The following MAGI3 variants were observed in gnomAD, a reference collection of about 807,000 sequenced individuals.
MAGI3 encodes the protein membrane associated guanylate kinase, WW and PDZ domain containing 3.
A neutral mutation model predicts 121.8 loss-of-function variants in MAGI3; 43 were observed. The ratio of observed to expected loss-of-function variants is 0.35; its 90% CI spans 0.28 to 0.46. The LOEUF (loss-of-function observed/expected upper bound fraction) is 0.46. Ranked by LOEUF, MAGI3 falls within the 20% of genes least tolerant of loss-of-function variation. The probability of loss-of-function intolerance (pLI) is 1.00; values close to 1 mark genes in which losing one functional copy is unlikely to be tolerated. For missense variants in MAGI3, 1,547 were observed against 1,797.3 expected, an observed-to-expected ratio of 0.86 and a Z score of 2.52; for synonymous variants, 553 against 639.3, an observed-to-expected ratio of 0.86 and a Z score of 2.04.
chr1:113,566,040 T>A (rs1479902987), intron 2 of MAGI3, among the ~76,000 whole-genome samples: 2 of 152,244 alleles, frequency 1.3e-5, no homozygotes, highest in Non-Finnish European at 2.9e-5. Flanking sequence ...TCATATCAAC[T>A]GATTTGTTGT....
intron 1 of MAGI3, among the ~76,000 whole-genome samples, chr1:113,442,431 C>T (rs1019987157): frequency 6.6e-6 from 1 of 152,116 alleles, no homozygotes; most frequent in East Asian, 1.9e-4. Context: ...AAAACATTGG[C>T]AGTATCTAGT....
chr1:113,604,728 C>T (rs182648855), intron 6 of MAGI3, among the ~76,000 whole-genome samples: 22 of 151,706 alleles, frequency 1.5e-4, no homozygotes, highest in Admixed American at 1.4e-3. Context: ...GAATGGAGAA[C>T]CAAATACTCT....
chr1:113,621,691 A>G (rs947625142), intron 8 of MAGI3, among the ~76,000 whole-genome samples: 1 of 151,580 alleles, frequency 6.6e-6, no homozygotes, highest in Non-Finnish European at 1.5e-5. Context: ...ACAGTGCCAT[A>G]TTATTTGGCA....
intron 11 of MAGI3, among the ~76,000 whole-genome samples, chr1:113,645,688 A>G (rs1470444643): frequency 3.9e-5 from 6 of 152,280 alleles, no homozygotes; most frequent in South Asian, 4.2e-4. Context: ...TTACTCCCTG[A>G]CAGACTGGTG....
At chr1:113,630,905 G>A (rs960212392) in intron 9 of MAGI3, among the ~76,000 whole-genome samples, 12 of 152,196 alleles carry the variant, frequency 7.9e-5, no homozygotes, top group African/African-American at 2.4e-4. Flanking sequence ...TCTAGGAATT[G>A]CAGTCCTTGT....
Position 113,622,818 on chromosome 1 carries a change from C to T in MAGI3, c.1184C>T (p.Ser395Leu). ...CATTTTGGCACAGATATGGAAAAAT[C>T]ACACTTCACAAGAGATCCATCCCAG... is the stretch of plus-strand genomic sequence containing the variant. ...IGSSKPDMEK[S>L]HFTRDPSQLK... Residue 395 changes from serine to leucine, a missense_variant, in exon 9 of 21, where the codon TCA becomes TTA. Coordinates refer to ENST00000307546, the MANE Select transcript of MAGI3 (RefSeq NM_001142782.2). 2 of 1,569,862 alleles carry T rather than the reference C, an allele frequency of 1.3e-6. No individual in the cohort carries two copies. Among genetic ancestry groups the T allele is most frequent in the Non-Finnish European group, 1.7e-6 (2 of 1,165,950 alleles).
chr1:113,643,124 C>T (rs1034688847), intron 10 of MAGI3, among the ~76,000 whole-genome samples: 2 of 152,160 alleles, frequency 1.3e-5, no homozygotes, highest in African/African-American at 4.8e-5. Flanking sequence ...GACATGAACT[C>T]CTCCCAGACA....
At chr1:113,529,503 C>T (rs1477164541) in intron 1 of MAGI3, among the ~76,000 whole-genome samples, 1 of 152,134 alleles carries the variant, frequency 6.6e-6, no homozygotes, top group African/African-American at 2.4e-5. Context: ...GATCTAATCA[C>T]CTATCAAAGG....
intron 1 of MAGI3, among the ~76,000 whole-genome samples, chr1:113,531,472 G>C (rs1658717559): frequency 6.6e-6 from 1 of 152,090 alleles, no homozygotes; most frequent in Admixed American, 6.6e-5. Flanking sequence ...GTATCCACTA[G>C]CAAAGTATGA....
At chr1:113,416,331 T>TAC (rs376738133) in intron 1 of MAGI3, among the ~76,000 whole-genome samples, 18 of 73,558 alleles carry the variant, frequency 2.4e-4, no homozygotes, top group South Asian at 2.3e-3. Context: ...ATTAATTATA[T>TAC]ATCAATCATA....
At position 113,391,742 on chromosome 1, in the gene MAGI3, C is replaced by T. The variant is rs143451512; in HGVS notation, c.316+393C>T. Among the ~76,000 whole-genome samples the T allele has an allele frequency of 6.6e-6, 1 of 152,300 alleles. No individual in the cohort carries two copies. Among genetic ancestry groups the T allele is most frequent in the Non-Finnish European group, 1.5e-5 (1 of 68,034 alleles). On this transcript the variant is annotated intron_variant, in intron 1 of 20. Coordinates refer to ENST00000307546, the MANE Select transcript of MAGI3 (RefSeq NM_001142782.2). This position sits in a 1 kb window ranked among gnomAD's most constrained non-coding sequence, Gnocchi z 4.4. ...TGGAACGATCTTACGCATCTTCTAA[C>T]AGGGAAAAAGGGACTTTACTATAGA...
chr1:113,546,747 C>A (rs191247823), intron 1 of MAGI3, among the ~76,000 whole-genome samples: 6 of 152,044 alleles, frequency 3.9e-5, no homozygotes, highest in Admixed American at 2.6e-4. Context: ...GAGTGCAATT[C>A]CAGCCTTGGC....
chr1:113,478,644 A>G (rs550608742), intron 1 of MAGI3, among the ~76,000 whole-genome samples: 3 of 152,248 alleles, frequency 2.0e-5, no homozygotes, highest in East Asian at 3.9e-4. Flanking sequence ...TCAGCTGTCT[A>G]TATGAGGTGG....
chr1:113,508,818 T>C (rs891114932), intron 1 of MAGI3, among the ~76,000 whole-genome samples: 6 of 152,178 alleles, frequency 3.9e-5, no homozygotes, highest in African/African-American at 1.4e-4. Context: ...TGCTGAGAAA[T>C]TGATTGATTT....
intron 1 of MAGI3, among the ~76,000 whole-genome samples, chr1:113,448,841 C>T (rs1324993175): frequency 1.3e-5 from 2 of 151,970 alleles, no homozygotes; most frequent in Non-Finnish European, 2.9e-5. Flanking sequence ...AAAAAGAGGC[C>T]GGGCACAGTG....
intron 3 of MAGI3, among the ~76,000 whole-genome samples, chr1:113,583,594 T>TAA (rs1648176761): frequency 6.6e-6 from 1 of 152,156 alleles, no homozygotes; most frequent in Non-Finnish European, 1.5e-5. Context: ...GTTTCCTTGA[T>TAA]ACTGTGATTA....
At chr1:113,521,413 G>GT (rs1491452810) in intron 1 of MAGI3, among the ~76,000 whole-genome samples, 131 of 77,068 alleles carry the variant, frequency 1.7e-3, no homozygotes, top group East Asian at 3.5e-3. Context: ...TTTGTTTTTT[G>GT]TTTTTTGTTT....
intron 11 of MAGI3, among the ~76,000 whole-genome samples, chr1:113,645,992 A>G (rs1232647085): frequency 6.6e-6 from 1 of 152,176 alleles, no homozygotes. Context: ...TCACAGTGCC[A>G]TCTTTATAAC....
chr1:113,465,226 T>C (rs1348505723), intron 1 of MAGI3, among the ~76,000 whole-genome samples: 1 of 152,130 alleles, frequency 6.6e-6, no homozygotes, highest in Admixed American at 6.6e-5. Context: ...ATATGGTTAA[T>C]CCAGTTTCCC....
Sources: allele counts gnomAD v4.1 joint callset (sites outside exome capture counted in the v4.1 genomes callset), GRCh38; gene constraint gnomAD v4.1.1; non-coding constraint Gnocchi (gnomAD v3.1); transcripts MANE v1.5; gene names NCBI Gene and HGNC (gene_info 2026-07-23, HGNC 2026-07-21).